The following UBR3 variants were observed in gnomAD, a reference collection of about 807,000 sequenced individuals.
UBR3 encodes E3 ubiquitin-protein ligase UBR3.
UBR3 carries 85 observed loss-of-function variants against 243.2 expected under a neutral mutation model. That is an observed-to-expected ratio of 0.35 (90% CI 0.29 to 0.42). UBR3 has a LOEUF of 0.42. UBR3 is among the 10% of genes least tolerant of loss of function. The pLI is 1.00. For synonymous variants in UBR3, 748 were observed against 799.8 expected (o/e 0.94, Z 1.09); for missense variants, 1,686 against 2,300.8 (o/e 0.73, Z 5.47).
intron 26 of UBR3, among the ~76,000 whole-genome samples, chr2:169,997,763 G>C (rs1389914280): frequency 6.6e-6 from 1 of 152,146 alleles, no homozygotes; most frequent in African/African-American, 2.4e-5. Flanking sequence ...GTAGCCTTCT[G>C]TGTGAGAGGG....
intron 35 of UBR3, among the ~76,000 whole-genome samples, chr2:170,066,548 A>G (rs186941434): frequency 5.2e-4 from 79 of 152,304 alleles, no homozygotes; most frequent in African/African-American, 1.8e-3. Flanking sequence ...GAACATTAAT[A>G]TATCTCCTTT....
chr2:170,075,362 A>G (rs1347627793), intron 36 of UBR3, among the ~76,000 whole-genome samples: 1 of 152,148 alleles, frequency 6.6e-6, no homozygotes, highest in African/African-American at 2.4e-5. Flanking sequence ...TAAGAGGGGT[A>G]TAATTGTAGA....
At chr2:169,875,291 A>G (rs73024486) in intron 2 of UBR3, among the ~76,000 whole-genome samples, 6,627 of 152,176 alleles carry the variant, frequency 0.044, 166 homozygotes, top group Middle Eastern at 0.068. Context: ...TGACATTTAT[A>G]TATGTGGAAG....
chr2:169,867,573 A>G (rs1055249730), intron 1 of UBR3, among the ~76,000 whole-genome samples: 1 of 152,220 alleles, frequency 6.6e-6, no homozygotes, highest in Non-Finnish European at 1.5e-5. Flanking sequence ...AACATTTACA[A>G]TTTTAATAGA....
rs543781872 is a variant in UBR3, at chr2:170,073,314, T to C, written c.5020-114T>C. The C allele has an allele frequency of 4.1e-5, 50 of 1,209,956 alleles. No homozygotes were observed. The African/African-American group carries it at 7.5e-4, about 18-fold the overall frequency. The allele number at this position is 1,209,956 out of a possible 1,614,324, so 75.0% of individuals were successfully genotyped here. A position where few individuals can be genotyped will look rare whatever the true frequency, so the allele number is the denominator to read the frequency against. ...CTCCCTTCACTTTTTTTCAGTTGAC[T>C]CAGTTAAGAAAGTTTTCTTATTGTC... On this transcript the variant is annotated intron_variant, in intron 35 of 38. Transcript: ENST00000272793.
chr2:169,955,090 A>T (rs1486595686), intron 23 of UBR3, among the ~76,000 whole-genome samples: 1 of 152,200 alleles, frequency 6.6e-6, no homozygotes. Context: ...TTTGGCAGGA[A>T]TGTAAATGAA....
intron 24 of UBR3, among the ~76,000 whole-genome samples, chr2:169,974,712 A>G (rs1299050582): frequency 1.3e-5 from 2 of 151,464 alleles, no homozygotes; most frequent in Non-Finnish European, 2.9e-5. Flanking sequence ...AGTTTGGTTT[A>G]TTTTTGCTTT....
At chr2:169,984,301 G>A (rs1260542011) in intron 24 of UBR3, among the ~76,000 whole-genome samples, 1 of 152,046 alleles carries the variant, frequency 6.6e-6, no homozygotes. Flanking sequence ...AGAGCTCTTT[G>A]AGTTTTAACA....
At chr2:170,067,074 C>T (rs2091588748) in intron 35 of UBR3, among the ~76,000 whole-genome samples, 1 of 151,890 alleles carries the variant, frequency 6.6e-6, no homozygotes, top group African/African-American at 2.4e-5. Context: ...AAGTAACTTG[C>T]TCAAGATTCA....
intron 24 of UBR3, among the ~76,000 whole-genome samples, chr2:169,962,055 T>A (rs139126341): frequency 7.2e-5 from 11 of 152,108 alleles, no homozygotes; most frequent in Non-Finnish European, 1.2e-4. Context: ...CTTCTGTCTT[T>A]GTTACTTTTT....
At chr2:169,857,071 T>TTTTG (rs773365802) in intron 1 of UBR3, among the ~76,000 whole-genome samples, 23,352 of 109,826 alleles carry the variant, frequency 0.21, 4,117 homozygotes, top group Non-Finnish European at 0.3. Flanking sequence ...TATGTTTTTT[T>TTTTG]TTTTTTTTTT....
At chr2:169,912,802 A>G (rs866625926) in intron 10 of UBR3, among the ~76,000 whole-genome samples, 2 of 151,694 alleles carry the variant, frequency 1.3e-5, no homozygotes, top group African/African-American at 4.8e-5. Context: ...TCTTTTTGAG[A>G]TAGGGTCTCA....
At position 170,061,812 on chromosome 2, in the gene UBR3, A is replaced by G. The variant is rs138606921; in HGVS notation, c.5019+369A>G. 3.5e-3 allele frequency among the ~76,000 whole-genome samples: 536 copies of G among 152,308 alleles called. 2 individuals carry two copies. The highest frequency in any genetic ancestry group is 0.012 in the African/African-American group (501 of 41,576). ...GCTATTTTGTTTTAAATATACTGGT[A>G]TGTAGTGTAGTACATATGTAACTGT... is the stretch of plus-strand genomic sequence containing the variant. On this transcript the variant is annotated intron_variant, in intron 35 of 38. Transcript: ENST00000272793.
intron 28 of UBR3, among the ~76,000 whole-genome samples, chr2:170,008,003 A>C (rs1251242889): frequency 6.6e-6 from 1 of 152,236 alleles, no homozygotes; most frequent in Non-Finnish European, 1.5e-5. Flanking sequence ...TTAAGAAGAT[A>C]TATTTACACA....
intron 26 of UBR3, among the ~76,000 whole-genome samples, chr2:169,997,343 G>T (rs1405561433): frequency 6.6e-6 from 1 of 152,108 alleles, no homozygotes; most frequent in Non-Finnish European, 1.5e-5. Context: ...CTGTGGTGGG[G>T]CCAGGTGTGC....
chr2:170,017,103 C>G (rs1050446554), intron 30 of UBR3, among the ~76,000 whole-genome samples: 6 of 151,452 alleles, frequency 4.0e-5, no homozygotes, highest in African/African-American at 9.7e-5. Context: ...AAAATTCAAA[C>G]TTAAGTTGTA....
chr2:169,894,266 T>C (rs10211072), intron 6 of UBR3, among the ~76,000 whole-genome samples: 1,337 of 130,178 alleles, frequency 0.01, 34 homozygotes, highest in African/African-American at 0.037. Flanking sequence ...GAGGCTGCAG[T>C]GAGCTATGAT....
chr2:170,022,456 T>C (rs17571266), intron 30 of UBR3, among the ~76,000 whole-genome samples: 66,166 of 151,960 alleles, frequency 0.44, 15,493 homozygotes, highest in Non-Finnish European at 0.54. Flanking sequence ...CAAAATCCCA[T>C]GTGTCCTTGT....
At chr2:169,879,323 A>G (rs2083734504) in intron 5 of UBR3, among the ~76,000 whole-genome samples, 1 of 152,132 alleles carries the variant, frequency 6.6e-6, no homozygotes, top group African/African-American at 2.4e-5. Flanking sequence ...AATTAAGCCA[A>G]ATATACTCCT....
Sources: allele counts gnomAD v4.1 joint callset (sites outside exome capture counted in the v4.1 genomes callset), GRCh38; gene constraint gnomAD v4.1.1; transcripts MANE v1.5; gene names NCBI Gene and HGNC (gene_info 2026-07-23, HGNC 2026-07-21).